Variants in CCDC102B observed in about 807,000 individuals in gnomAD.
CCDC102B encodes the protein coiled-coil domain containing 102B, also known as coiled-coil domain-containing protein 102B.
In CCDC102B, 75 loss-of-function variants were observed where a neutral mutation model predicts 57.4. The ratio of observed to expected loss-of-function variants is 1.31; its 90% CI spans 1.08 to 1.58. The LOEUF is 1.58. Ranked by LOEUF, CCDC102B falls within the 40% of genes most tolerant of loss-of-function variation. The pLI is 0.00. For missense variants in CCDC102B, 636 were observed against 582.6 expected, an observed-to-expected ratio of 1.09 and a Z score of -0.94; for synonymous variants, 206 against 201.9, an observed-to-expected ratio of 1.02 and a Z score of -0.17.
chr18:69,033,968 A>T (rs1281777753), intron 7 of CCDC102B, among the ~76,000 whole-genome samples: 3 of 151,970 alleles, frequency 2.0e-5, no homozygotes, highest in Non-Finnish European at 2.9e-5. Context: ...GTACATTTAC[A>T]TGTGCTAACT....
At position 68,857,256 on chromosome 18, in the gene CCDC102B, T is replaced by TAA. The variant is rs2038478304; in HGVS notation, c.936+10837_936+10838dup. Among the ~76,000 whole-genome samples the TAA allele has an allele frequency of 5.4e-5, 3 of 55,260 alleles. 1 individual carries two copies. The highest frequency in any genetic ancestry group is 1.1e-4 in the Non-Finnish European group (3 of 27,532). The allele number at this position is 55,260 out of a possible 152,430, so 36.3% of individuals were successfully genotyped here. A position where few individuals can be genotyped will look rare whatever the true frequency, so the allele number is the denominator to read the frequency against. ...TATATATAAATATATATTTATTATT[T>TAA]AAATATATAAATATATATATAATAT... On this transcript the variant is annotated intron_variant, in intron 4 of 7. Transcript: ENST00000360242.
intron 4 of CCDC102B, among the ~76,000 whole-genome samples, chr18:68,854,371 A>G (rs1599570580): frequency 2.0e-5 from 3 of 152,322 alleles, no homozygotes; most frequent in Admixed American, 2.0e-4. Context: ...AAGGGCAGGG[A>G]TTACAGGCGT....
chr18:68,835,082 C>T (rs1439738194), intron 1 of CCDC102B, among the ~76,000 whole-genome samples: 1 of 152,038 alleles, frequency 6.6e-6, no homozygotes, highest in Non-Finnish European at 1.5e-5. Context: ...ATATTTTCAG[C>T]ACTTTTTAAA....
intron 5 of CCDC102B, among the ~76,000 whole-genome samples, chr18:68,879,259 A>T (rs532547612): frequency 4.7e-4 from 71 of 152,116 alleles, no homozygotes; most frequent in Non-Finnish European, 7.6e-4. Flanking sequence ...GAAGCTGCAG[A>T]TCTTCGTGGT....
chr18:68,996,736 G>A (rs537007159), intron 6 of CCDC102B, among the ~76,000 whole-genome samples: 15 of 152,258 alleles, frequency 9.9e-5, no homozygotes, highest in African/African-American at 3.4e-4. Flanking sequence ...GAAATGACTT[G>A]CTTTATTTCA....
chr18:68,978,989 C>T (rs78216952), intron 6 of CCDC102B, among the ~76,000 whole-genome samples: 7,201 of 151,980 alleles, frequency 0.047, 254 homozygotes, highest in East Asian at 0.12. Flanking sequence ...ACAGTGTTGT[C>T]TTATTTATAG....
chr18:69,044,173 C>A (rs1449792970), intron 7 of CCDC102B, among the ~76,000 whole-genome samples: 1 of 152,082 alleles, frequency 6.6e-6, no homozygotes, highest in African/African-American at 2.4e-5. Flanking sequence ...TGTCATAAAG[C>A]AAGACATCCT....
At chr18:68,808,622 C>T (rs997272089) in intron 1 of CCDC102B, among the ~76,000 whole-genome samples, 18 of 151,884 alleles carry the variant, frequency 1.2e-4, no homozygotes, top group South Asian at 4.2e-4. Context: ...GGACTACAGG[C>T]GCCCGCCACC....
intron 4 of CCDC102B, among the ~76,000 whole-genome samples, chr18:68,870,590 T>C (rs2039201254): frequency 6.6e-6 from 1 of 152,192 alleles, no homozygotes; most frequent in African/African-American, 2.4e-5. Flanking sequence ...AGAGATATTT[T>C]AGAAGAGATG....
intron 6 of CCDC102B, among the ~76,000 whole-genome samples, chr18:68,958,033 A>G (rs888904801): frequency 6.6e-6 from 1 of 152,160 alleles, no homozygotes; most frequent in Non-Finnish European, 1.5e-5. Flanking sequence ...CCTCACAATC[A>G]TGGCAGAAGG....
At chr18:68,877,603 T>C (rs1322592894) in intron 5 of CCDC102B, among the ~76,000 whole-genome samples, 1 of 152,240 alleles carries the variant, frequency 6.6e-6, no homozygotes, top group Non-Finnish European at 1.5e-5. Flanking sequence ...CAAAACTGCT[T>C]TGCTAACACT....
intron 3 of CCDC102B, among the ~76,000 whole-genome samples, chr18:68,840,189 T>C (rs1352346544): frequency 1.3e-5 from 2 of 152,198 alleles, no homozygotes; most frequent in African/African-American, 4.8e-5. Context: ...ATCTCTTAGT[T>C]ATAAAAATCT....
intron 6 of CCDC102B, among the ~76,000 whole-genome samples, chr18:68,945,927 T>C (rs988298164): frequency 6.6e-6 from 1 of 152,092 alleles, no homozygotes; most frequent in African/African-American, 2.4e-5. Flanking sequence ...ATGGTCACTT[T>C]ATTATTTTTT....
At chr18:68,911,751 C>CA (rs74175338) in intron 6 of CCDC102B, among the ~76,000 whole-genome samples, 1,071 of 17,734 alleles carry the variant, frequency 0.06, 143 homozygotes, top group Middle Eastern at 0.14. Flanking sequence ...GACTCCGTCT[C>CA]AAAAAAAAAA....
intron 1 of CCDC102B, among the ~76,000 whole-genome samples, chr18:68,819,365 G>T (rs2036609677): frequency 6.6e-6 from 1 of 151,908 alleles, no homozygotes; most frequent in Admixed American, 6.6e-5. Flanking sequence ...TTCACATACT[G>T]AAGTGTCATA....
intron 7 of CCDC102B, among the ~76,000 whole-genome samples, chr18:69,022,833 T>G (rs2145424277): frequency 6.6e-6 from 1 of 151,372 alleles, no homozygotes; most frequent in South Asian, 2.1e-4. Context: ...GGCCCCATAT[T>G]GCAGGGAAAT....
chr18:68,748,137 A>G (rs1336180204), intron 2 of CCDC102B, among the ~76,000 whole-genome samples: 1 of 150,826 alleles, frequency 6.6e-6, no homozygotes, highest in Non-Finnish European at 1.5e-5. Flanking sequence ...CTTTTCATAT[A>G]CTTGATGGCC....
At chr18:68,840,363 C>T (rs1331997430) in intron 3 of CCDC102B, among the ~76,000 whole-genome samples, 1 of 152,020 alleles carries the variant, frequency 6.6e-6, no homozygotes, top group African/African-American at 2.4e-5. Context: ...AAGTTCTTTA[C>T]CACTTACTTT....
intron 2 of CCDC102B, among the ~76,000 whole-genome samples, chr18:68,741,819 G>C (rs1421771816): frequency 1.3e-5 from 2 of 152,258 alleles, no homozygotes; most frequent in Non-Finnish European, 2.9e-5. Flanking sequence ...AACAGACAAA[G>C]TTGTTGGGCC....
Sources: gnomAD v4.1 joint callset for allele counts (sites outside exome capture counted in the v4.1 genomes callset) on GRCh38, gnomAD v4.1.1 for gene constraint, MANE v1.5 for transcripts, NCBI Gene and HGNC (gene_info 2026-07-23, HGNC 2026-07-21) for gene names.